Variants in FSCN2 observed in about 807,000 individuals in gnomAD.
The protein encoded by FSCN2 is fascin actin-bundling protein 2, retinal.
A neutral mutation model predicts 37.8 loss-of-function variants in FSCN2; 46 were observed. The observed-to-expected ratio is 1.22, with a 90% CI of 0.96 to 1.56. The LOEUF (loss-of-function observed/expected upper bound fraction) is 1.56. Among genes scored for constraint, FSCN2 ranks in the 40% most tolerant of loss-of-function variants. The probability of loss-of-function intolerance (pLI) is 0.00; values close to 1 mark genes in which losing one functional copy is unlikely to be tolerated. For synonymous variants in FSCN2, 351 were observed against 309.4 expected, an observed-to-expected ratio of 1.13 and a Z score of -1.41; for missense variants, 844 against 730.4, an observed-to-expected ratio of 1.16 and a Z score of -1.79.
At chr17:81,519,614 C>T in the FSCN2 span, among the ~76,000 whole-genome samples, 2 of 152,246 alleles carry the variant, frequency 1.3e-5, no homozygotes, top group Admixed American at 1.3e-4. Context: ...CCGCTCCTCC[C>T]TCCGCCACTG....
intron 4 of FSCN2, 31 bp downstream of exon 4, chr17:81,536,820 G>A (rs775783364): frequency 2.6e-6 from 4 of 1,556,088 alleles, no homozygotes; most frequent in Non-Finnish European, 1.7e-6. Context: ...GCACGCGGGA[G>A]CGGGGGTGGC....
Position 81,535,152 on chromosome 17 carries a change from TG to T in FSCN2, c.932del (p.Gly311AlafsTer33). ...AGAAGTGCACCTTCTATTCCAGCAC[TG>T]GGGGCTACTGGACCCTGGTCACCCA... ...TKKCTFYSST[G>X]GYWTLVTHGG... is the part of the protein sequence containing the mutation. On this transcript the variant is annotated frameshift_variant, in exon 2 of 5. Transcript: ENST00000417245. LOFTEE classifies it high-confidence loss of function. The T allele has an allele frequency of 2.0e-6, 3 of 1,533,988 alleles. No individual in the cohort carries two copies. The highest frequency in any genetic ancestry group is 2.6e-6 in the Non-Finnish European group (3 of 1,145,500).
chr17:81,531,828 GTGGTGGTGATGGTGGTGATGGTGA>G (rs2032641362), intron 1 of FSCN2, among the ~76,000 whole-genome samples: 2 of 109,766 alleles, frequency 1.8e-5, no homozygotes, highest in Non-Finnish European at 3.6e-5. Flanking sequence ...GGTGATGGTG[GTGGTGGTGATGGTGGTGATGGTGA>G]TGGTGGTGAT....
chr17:81,522,908 T>C, the FSCN2 span, among the ~76,000 whole-genome samples: 1 of 152,170 alleles, frequency 6.6e-6, no homozygotes, highest in Admixed American at 6.5e-5. Flanking sequence ...GTCCTGGGGC[T>C]CAGGGGTTGG....
chr17:81,529,203 C>T lies in FSCN2; in HGVS notation c.672C>T (p.Cys224=), dbSNP rs782186118. 3.0e-5 allele frequency: 48 copies of T among 1,596,040 alleles called. No homozygotes were observed. In the East Asian group the frequency reaches 7.7e-4, roughly 26 times the overall value. ...FKAGKLAFKD[C]DGHYLAPVGP... ...CGGGCAAGCTGGCCTTCAAGGACTG[C>T]GACGGCCACTACCTGGCACCCGTGG... is the stretch of plus-strand genomic sequence containing the variant. Residue 224 remains cysteine, a synonymous_variant, in exon 1 of 5, where the codon TGC becomes TGT. Transcript: ENST00000417245.
chr17:81,532,785 C>CAGAA (rs1568080058), intron 1 of FSCN2, among the ~76,000 whole-genome samples: 1 of 151,468 alleles, frequency 6.6e-6, no homozygotes, highest in Non-Finnish European at 1.5e-5. Context: ...GGGGTGCTGA[C>CAGAA]AGAGTGGTGG....
At chr17:81,525,143 C>T (rs1015355050), upstream of FSCN2, among the ~76,000 whole-genome samples, 2 of 151,842 alleles carry the variant, frequency 1.3e-5, no homozygotes, top group Non-Finnish European at 1.5e-5. Flanking sequence ...AAGAACCAGA[C>T]GGCCAGGCAC....
At chr17:81,536,396 T>C in intron 3 of FSCN2, 129 bp downstream of exon 3, 1 of 1,435,302 alleles carries the variant, frequency 7.0e-7, no homozygotes, top group Non-Finnish European at 9.4e-7. Flanking sequence ...TGTCATGGAG[T>C]CATACTTGCT....
In FSCN2 at chr17:81,536,127, CT is replaced by C; in HGVS notation, c.984-15del. ...CCATCTCCTGCTGTCCTGAGGAGACCTTTTGCTGCTCCCTCCAGTTCTGCCA... is the reference window on the plus strand; with the variant it reads ...CCATCTCCTGCTGTCCTGAGGAGACCTTTGCTGCTCCCTCCAGTTCTGCCA... On this transcript the variant is annotated intron_variant, in intron 2 of 4. Coordinates refer to ENST00000417245, the MANE Select transcript of FSCN2 (RefSeq NM_012418.4). The C allele has an allele frequency of 1.2e-6, 2 of 1,604,562 alleles. No homozygotes were observed. The highest frequency in any genetic ancestry group is 1.1e-5 in the South Asian group (1 of 89,182).
At chr17:81,528,273 T>G, upstream of FSCN2, 1 of 502,746 alleles carries the variant, frequency 2.0e-6, no homozygotes, top group East Asian at 3.6e-5. Flanking sequence ...CTGAGGGTAA[T>G]GAAAGGTGCT....
At chr17:81,535,704 CCCA>C (rs1220385022) in intron 2 of FSCN2, among the ~76,000 whole-genome samples, 46 of 72,606 alleles carry the variant, frequency 6.3e-4, no homozygotes, top group Non-Finnish European at 1.1e-3. Flanking sequence ...CTCTGCCATC[CCCA>C]CCATCACCAT....
chr17:81,530,802 A>G, intron 1 of FSCN2: 1 of 312,992 alleles, frequency 3.2e-6, no homozygotes, highest in Non-Finnish European at 6.2e-6. Flanking sequence ...CTGTCCCAGC[A>G]GTGACAGGGT....
upstream of FSCN2, among the ~76,000 whole-genome samples, chr17:81,525,597 C>G (rs1006093997): frequency 6.6e-6 from 1 of 151,330 alleles, no homozygotes; most frequent in South Asian, 2.1e-4. Context: ...TGGTGGCAGG[C>G]GCCTGTAATC....
chr17:81,532,314 A>ATGATGGTGATGATAGTGATGG lies in FSCN2; in HGVS notation c.827-2732_827-2712dup, dbSNP rs2032695413. On this transcript the variant is annotated intron_variant, in intron 1 of 4. Coordinates refer to ENST00000417245, the MANE Select transcript of FSCN2 (RefSeq NM_012418.4). Reference sequence around the variant, plus strand: ...GGTGATGATGATGATAGTGATGGCGATGATGGTGATGATAGTGATGGTGAT... The same window carrying ATGATGGTGATGATAGTGATGG: ...GGTGATGATGATGATAGTGATGGCGATGATGGTGATGATAGTGATGGTGATGGTGATGATAGTGATGGTGAT... Among the ~76,000 whole-genome samples, 4 of 118,916 alleles carry ATGATGGTGATGATAGTGATGG rather than the reference A, an allele frequency of 3.4e-5. No homozygotes were observed. In the South Asian group the frequency reaches 1.2e-3, roughly 35 times the overall value. 78.0% of individuals were successfully genotyped at this position (118,916 alleles called of 152,430 possible).
Position 81,536,915 on chromosome 17 carries a change from CG to C in FSCN2, c.1315del (p.Val439CysfsTer?), listed in dbSNP as rs2032903291. The C allele has an allele frequency of 5.7e-6, 9 of 1,575,808 alleles. No homozygotes were observed. In the African/African-American group the frequency reaches 1.3e-4, roughly 22 times the overall value. On this transcript the variant is annotated frameshift_variant, in exon 5 of 5. Coordinates refer to ENST00000417245, the MANE Select transcript of FSCN2 (RefSeq NM_012418.4). LOFTEE classifies it low-confidence loss of function (END_TRUNC). The stretch of plus-strand genomic sequence containing the variant: ...TCTGGTACACGGGCAGCCACGGCAG[CG>C]TGTGCAGCGACGGCGAACGCGCCGA... Reference protein sequence around the residue: ...GFWYTGSHGSVCSDGERAEDF... With the variant: ...GFWYTGSHGSXCSDGERAEDF...
Position 81,528,666 on chromosome 17 carries a change from C to G in FSCN2, c.135C>G (p.Thr45=), listed in dbSNP as rs1555670547. The G allele has an allele frequency of 1.2e-6, 2 of 1,602,134 alleles. No homozygotes were observed. The highest frequency in any genetic ancestry group is 2.2e-5 in the South Asian group (2 of 89,190). The change falls in exon 1 of 5, where the codon ACC becomes ACG. Residue 45 remains threonine (T), a synonymous_variant. Coordinates refer to ENST00000417245, the MANE Select transcript of FSCN2 (RefSeq NM_012418.4). ...CACCCAGCCTCAAGAGGAAGCAGAC[C>G]TGGGTGCTGGAACCCGACCCAGGAC... ...ASAPSLKRKQ[T]WVLEPDPGQG...
chr17:81,528,537 G>A lies in FSCN2; in HGVS notation c.6G>A (p.Pro2=), dbSNP rs555966963. Residue 2 remains proline, a synonymous_variant, in exon 1 of 5, where the codon CCG becomes CCA. Transcript: ENST00000417245. M[P]TNGLHQVLKI... Reference sequence around the variant, plus strand: ...GGGACCCGGCCAGCCTGAAGATGCCGACGAACGGCCTGCACCAGGTGCTGA... The same window carrying A: ...GGGACCCGGCCAGCCTGAAGATGCCAACGAACGGCCTGCACCAGGTGCTGA... The A allele has an allele frequency of 4.4e-5, 70 of 1,592,034 alleles. No individual in the cohort carries two copies. The highest frequency in any genetic ancestry group is 1.7e-4 in the Middle Eastern group (1 of 6,034).
chr17:81,530,718 C>A (rs1447658333), intron 1 of FSCN2: 9 of 441,000 alleles, frequency 2.0e-5, no homozygotes, highest in Non-Finnish European at 3.5e-5. Context: ...ATGGCAGAGG[C>A]CCCACCCTGT....
At chr17:81,531,534 GTGGTGATGATGGTGATGGCGATGA>G (rs2032602319) in intron 1 of FSCN2, among the ~76,000 whole-genome samples, 3 of 88,756 alleles carry the variant, frequency 3.4e-5, no homozygotes, top group Non-Finnish European at 7.4e-5. Context: ...GATGGCGATG[GTGGTGATGATGGTGATGGCGATGA>G]TGGTGATGAT....
Sources: allele counts gnomAD v4.1 joint callset (sites outside exome capture counted in the v4.1 genomes callset), GRCh38; gene constraint gnomAD v4.1.1; transcripts MANE v1.5; gene names NCBI Gene and HGNC (gene_info 2026-07-23, HGNC 2026-07-21).